PEBP4: variants seen among roughly 807,000 people sequenced by gnomAD.
PEBP4 encodes the protein phosphatidylethanolamine-binding protein 4.
Under a neutral mutation model 23.9 loss-of-function variants are expected in PEBP4, and 22 were observed. The observed-to-expected ratio is 0.92, with a 90% CI of 0.66 to 1.31. PEBP4 has a LOEUF of 1.31. PEBP4 is among the 40% of genes most tolerant of loss of function. The pLI, the probability that PEBP4 is intolerant of heterozygous loss-of-function variation, is 0.00. For synonymous variants in PEBP4, 112 were observed against 99.3 expected (o/e 1.13, Z -0.76); for missense variants, 324 against 281.7 (o/e 1.15, Z -1.07).
rs372387850 is a variant in PEBP4, at chr8:22,783,088, T to C, written c.357+34549A>G. Among the ~76,000 whole-genome samples, 216 of 152,328 alleles carry C rather than the reference T, an allele frequency of 1.4e-3. 1 individual carries two copies. The highest frequency in any genetic ancestry group is 4.8e-3 in the African/African-American group (198 of 41,576). On this transcript the variant is annotated intron_variant, in intron 4 of 6. Coordinates refer to ENST00000256404, the MANE Select transcript of PEBP4 (RefSeq NM_144962.3). ...TGCACACCTGGCTGGGTAGGGCTCC[T>C]GAGGTTTGGGTAGGGGTACATGGGC...
chr8:22,716,394 TA>T (rs1804419974), intron 6 of PEBP4, among the ~76,000 whole-genome samples: 1 of 152,202 alleles, frequency 6.6e-6, no homozygotes, highest in Non-Finnish European at 1.5e-5. Context: ...GAGAGCCTGA[TA>T]ACCTTATCTA....
chr8:22,921,864 G>A (rs942447485), intron 2 of PEBP4, among the ~76,000 whole-genome samples: 4 of 152,228 alleles, frequency 2.6e-5, no homozygotes, highest in Non-Finnish European at 4.4e-5. Flanking sequence ...CAGCTAGCGA[G>A]ATGCGAGGCA....
chr8:22,791,840 C>A, intron 4 of PEBP4, among the ~76,000 whole-genome samples: 1 of 150,760 alleles, frequency 6.6e-6, no homozygotes, highest in East Asian at 2.0e-4. Context: ...CACTAGGGGG[C>A]TAACATTTAA....
At chr8:22,836,542 G>C (rs146742620) in intron 3 of PEBP4, among the ~76,000 whole-genome samples, 71 of 152,320 alleles carry the variant, frequency 4.7e-4, no homozygotes, top group African/African-American at 1.7e-3. Context: ...CAGTCCTCTG[G>C]GGAAGACAGT....
intron 4 of PEBP4, among the ~76,000 whole-genome samples, chr8:22,785,407 G>A (rs147210389): frequency 1.3e-5 from 2 of 152,038 alleles, no homozygotes; most frequent in African/African-American, 2.4e-5. Context: ...ACAGAACCAC[G>A]GCCATTTCGA....
At position 22,798,716 on chromosome 8, in the gene PEBP4, CTT is replaced by C. The variant is rs1178234706; in HGVS notation, c.357+18919_357+18920del. On this transcript the variant is annotated intron_variant, in intron 4 of 6. Transcript: ENST00000256404. ...CGGTCATGTCCATAAATTTTTTTTTCTTTTCTTTTTTCTTTTTTTTTTTTTTT... is the reference window on the plus strand; with the variant it reads ...CGGTCATGTCCATAAATTTTTTTTTCTTCTTTTTTCTTTTTTTTTTTTTTT... 5.8e-5 allele frequency: 4 copies of C among 68,978 alleles called. 1 individual carries two copies. Among genetic ancestry groups the C allele is most frequent in the African/African-American group, 1.2e-4 (2 of 16,736 alleles). The allele number at this position is 68,978 out of a possible 1,614,324, so 4.3% of individuals were successfully genotyped here.
At chr8:22,737,469 A>G (rs1804891250) in intron 4 of PEBP4, among the ~76,000 whole-genome samples, 1 of 152,128 alleles carries the variant, frequency 6.6e-6, no homozygotes, top group Admixed American at 6.5e-5. Flanking sequence ...CATGGTCTTT[A>G]CGTGAGTTAG....
At chr8:22,844,359 C>T (rs144890423) in intron 3 of PEBP4, among the ~76,000 whole-genome samples, 31,389 of 152,160 alleles carry the variant, frequency 0.21, 3,952 homozygotes, top group South Asian at 0.33. Context: ...CCTGCCTCAG[C>T]CTCCTGAGTA....
intron 4 of PEBP4, among the ~76,000 whole-genome samples, chr8:22,759,837 A>G (rs1805471412): frequency 6.6e-6 from 1 of 152,158 alleles, no homozygotes; most frequent in Admixed American, 6.5e-5. Flanking sequence ...AGGCTGCAAC[A>G]TAGCAGTGTG....
At chr8:22,925,103 T>C in intron 2 of PEBP4, 14 of 985,368 alleles carry the variant, frequency 1.4e-5, no homozygotes, top group Non-Finnish European at 1.7e-5. Context: ...GTCCGATCTG[T>C]CCTTGATGCA....
intron 3 of PEBP4, among the ~76,000 whole-genome samples, chr8:22,843,198 G>A (rs1405193455): frequency 1.3e-5 from 2 of 152,168 alleles, no homozygotes; most frequent in African/African-American, 4.8e-5. Flanking sequence ...TCCGACTTCA[G>A]GTGATGCACC....
intron 4 of PEBP4, among the ~76,000 whole-genome samples, chr8:22,760,800 A>C (rs1276079278): frequency 6.6e-6 from 1 of 152,184 alleles, no homozygotes; most frequent in Admixed American, 6.5e-5. Flanking sequence ...TAACTCACAT[A>C]GGAAGAGCCT....
chr8:22,931,962 T>C (rs1809463797), upstream of PEBP4, among the ~76,000 whole-genome samples: 1 of 152,216 alleles, frequency 6.6e-6, no homozygotes, highest in Non-Finnish European at 1.5e-5. Context: ...CGCCCTTATC[T>C]TCGCATTGCA....
intron 5 of PEBP4, among the ~76,000 whole-genome samples, chr8:22,726,357 C>T (rs1170424766): frequency 1.3e-5 from 2 of 152,228 alleles, no homozygotes; most frequent in African/African-American, 2.4e-5. Context: ...ACCGTGGGCA[C>T]ACTTGACGCT....
At chr8:22,914,274 A>G (rs62492989) in intron 3 of PEBP4, among the ~76,000 whole-genome samples, 33,340 of 151,798 alleles carry the variant, frequency 0.22, 3,828 homozygotes, top group African/African-American at 0.26. Context: ...CAACCACCAT[A>G]AGGCCTGGTT....
chr8:22,927,517 C>A, intron 2 of PEBP4, 67 bp downstream of exon 2: 4 of 1,542,350 alleles, frequency 2.6e-6, no homozygotes, highest in South Asian at 1.2e-5. Context: ...TCTGGATATA[C>A]CCCTCCCTGC....
At chr8:22,861,651 T>G (rs1161636622) in intron 3 of PEBP4, among the ~76,000 whole-genome samples, 1 of 152,190 alleles carries the variant, frequency 6.6e-6, no homozygotes, top group African/African-American at 2.4e-5. Context: ...GGCTCTCTGA[T>G]GTCAGGGATC....
chr8:22,718,122 C>T (rs1365180796), intron 6 of PEBP4, among the ~76,000 whole-genome samples: 1 of 151,986 alleles, frequency 6.6e-6, no homozygotes, highest in Non-Finnish European at 1.5e-5. Context: ...GTGGGGGGCA[C>T]TTTGACTTTG....
chr8:22,937,923 T>C (rs1430080663), intron 1 of PEBP4, among the ~76,000 whole-genome samples: 1 of 152,054 alleles, frequency 6.6e-6, no homozygotes, highest in Non-Finnish European at 1.5e-5. Flanking sequence ...ACACCAGATA[T>C]AAAAATTAAC....
Sources: gnomAD v4.1 joint callset for allele counts (sites outside exome capture counted in the v4.1 genomes callset) on GRCh38, gnomAD v4.1.1 for gene constraint, MANE v1.5 for transcripts, NCBI Gene and HGNC (gene_info 2026-07-23, HGNC 2026-07-21) for gene names.